Variants in SLC2A6 observed in about 807,000 individuals in gnomAD.
The protein encoded by SLC2A6 is solute carrier family 2 member 6, also known as solute carrier family 2, facilitated glucose transporter member 6.
Under a neutral mutation model 47.8 loss-of-function variants are expected in SLC2A6, and 39 were observed. That is an observed-to-expected ratio of 0.82 (90% CI 0.63 to 1.07). The LOEUF is 1.07. Ranked by LOEUF, SLC2A6 falls within the 50% of genes least tolerant of loss-of-function variation. The probability of loss-of-function intolerance (pLI) is 0.00; values close to 1 mark genes in which losing one functional copy is unlikely to be tolerated. For missense variants in SLC2A6, 650 were observed against 707.6 expected, an observed-to-expected ratio of 0.92 and a Z score of 0.92; for synonymous variants, 346 against 324.1, an observed-to-expected ratio of 1.07 and a Z score of -0.73.
At chr9:133,478,485 G>C in intron 1 of SLC2A6, 69 bp from the exon 2 acceptor site, 1 of 1,571,212 alleles carries the variant, frequency 6.4e-7, no homozygotes, top group Non-Finnish European at 8.7e-7. Context: ...TGCCTTTTCT[G>C]AACCCAGTGG....
chr9:133,473,194 G>A lies in SLC2A6; in HGVS notation c.1279C>T (p.Leu427=). Residue 427 remains leucine (L), a synonymous_variant, in exon 9 of 10, where the codon CTG becomes TTG. Coordinates refer to ENST00000371899, the MANE Select transcript of SLC2A6 (RefSeq NM_017585.4). ...CCTGAGGCCACGCCACGGGCACGCA[G>A]GGGCAGGACCTCAGACATGAGCAGC... ...TWLLMSEVLP[L]RARGVASGLC... is the part of the protein sequence containing the mutation. 6.2e-7 allele frequency: 1 copy of A among 1,606,208 alleles called. No individual in the cohort carries two copies. The highest frequency in any genetic ancestry group is 1.1e-5 in the South Asian group (1 of 89,896).
In SLC2A6 at chr9:133,475,017, T is replaced by G; in HGVS notation, c.871A>C (p.Ile291Leu). The G allele has an allele frequency of 6.3e-7, 1 of 1,596,114 alleles. No individual in the cohort carries two copies. Among genetic ancestry groups the G allele is most frequent in the Non-Finnish European group, 8.5e-7 (1 of 1,172,844 alleles). ...LMRLLQQLTGITPILVYLQSI... is the reference protein window; with the variant it reads ...LMRLLQQLTGLTPILVYLQSI... ...TGCAGGTAGACCAGGATGGGCGTGATGCCCGTCAGCTGCTGCAGGAGGCGC... is the reference window on the plus strand; with the variant it reads ...TGCAGGTAGACCAGGATGGGCGTGAGGCCCGTCAGCTGCTGCAGGAGGCGC... Residue 291 changes from isoleucine (I) to leucine (L), a missense_variant, in exon 6 of 10, where the codon ATC (isoleucine) becomes CTC (leucine). By Grantham distance (5) the Ile-to-Leu change is conservative. Coordinates refer to ENST00000371899, the MANE Select transcript of SLC2A6 (RefSeq NM_017585.4).
rs1554802588 is a variant in SLC2A6, at chr9:133,474,072, G to C, written c.944C>G (p.Ala315Gly). 6.2e-7 allele frequency: 1 copy of C among 1,607,176 alleles called. No homozygotes were observed. Among genetic ancestry groups the C allele is most frequent in the Non-Finnish European group, 8.5e-7 (1 of 1,177,892 alleles). Residue 315 changes from alanine to glycine, a missense_variant, in exon 7 of 10, where the codon GCA becomes GGA. Physicochemically the swap from Ala to Gly is moderately conservative, Grantham distance 60. Transcript: ENST00000371899. ...TAVLLPPKDD[A>G]AIVGAVRLLS... is the part of the protein sequence containing the mutation. The stretch of plus-strand genomic sequence containing the variant: ...GAGCCGCACGGCCCCAACGATGGCT[G>C]CGTCGTCCTTGGGGGGCTATCGGGG...
chr9:133,472,986 C>T (rs1843788260), intron 9 of SLC2A6, 119 bp downstream of exon 9: 1 of 1,123,056 alleles, frequency 8.9e-7, no homozygotes, highest in Admixed American at 2.9e-5. Flanking sequence ...TGCTCATCTC[C>T]TAGGGTCACT....
Position 133,475,270 on chromosome 9 carries a change from C to T in SLC2A6, c.774+130G>A, listed in dbSNP as rs927639309. The T allele has an allele frequency of 4.4e-6, 6 of 1,360,448 alleles. No individual in the cohort carries two copies. The East Asian group carries it at 1.0e-4, about 23-fold the overall frequency. 84.3% of individuals were successfully genotyped at this position (1,360,448 alleles called of 1,614,324 possible). A position where few individuals can be genotyped will look rare whatever the true frequency, so the allele number is the denominator to read the frequency against. On this transcript the variant is annotated intron_variant, in intron 5 of 9. Coordinates refer to ENST00000371899, the MANE Select transcript of SLC2A6 (RefSeq NM_017585.4). ...CACCCAGGCTCTGGGAACAGCCCCC[C>T]ACCCCAACCCAGGCACTTGGATTAG...
chr9:133,472,042 C>T lies in SLC2A6; in HGVS notation c.1503G>A (p.Gly501=). Residue 501 remains glycine (G), a synonymous_variant, in exon 10 of 10, where the codon GGG becomes GGA. Coordinates refer to ENST00000371899, the MANE Select transcript of SLC2A6 (RefSeq NM_017585.4). Reference sequence around the variant, plus strand: ...TGACCTAGCGCAAGAAGGACCTTCTCCCCGTGCGGAAGAAGGACTCGATCT... The same window carrying T: ...TGACCTAGCGCAAGAAGGACCTTCTTCCCGTGCGGAAGAAGGACTCGATCT... ...LEQIESFFRT[G]RRSFLR 6.2e-7 allele frequency: 1 copy of T among 1,613,066 alleles called. No individual in the cohort carries two copies. The highest frequency in any genetic ancestry group is 8.5e-7 in the Non-Finnish European group (1 of 1,179,728).
intron 7 of SLC2A6, 153 bp from the exon 8 acceptor site, chr9:133,473,753 C>T (rs890847263): frequency 1.9e-5 from 16 of 851,774 alleles, no homozygotes; most frequent in Middle Eastern, 3.6e-4. Flanking sequence ...TGTCTCCAGC[C>T]GCGTGTTAGG....
chr9:133,477,562 G>T (rs902266434), intron 2 of SLC2A6, among the ~76,000 whole-genome samples: 2 of 152,202 alleles, frequency 1.3e-5, no homozygotes, highest in African/African-American at 2.4e-5. Context: ...AAGATTTGGA[G>T]GTTCTTAAGT....
In SLC2A6 at chr9:133,473,425, G is replaced by C. The variant is rs1428552161; in HGVS notation, c.1212C>G (p.Leu404=). 1.2e-6 allele frequency: 2 copies of C among 1,601,372 alleles called. No homozygotes were observed. Among genetic ancestry groups the C allele is most frequent in the Non-Finnish European group, 1.7e-6 (2 of 1,174,822 alleles). The change falls in exon 8 of 10, where the codon CTC becomes CTG. Residue 404 remains leucine, a synonymous_variant. Coordinates refer to ENST00000371899, the MANE Select transcript of SLC2A6 (RefSeq NM_017585.4). The part of the protein sequence containing the change: ...LTLVPLLATM[L]FIMGYAVGWG... ...CACCACCACACCTACCCATGATGAAGAGCATGGTGGCCAGCAGGGGCACCA... is the reference window on the plus strand; with the variant it reads ...CACCACCACACCTACCCATGATGAACAGCATGGTGGCCAGCAGGGGCACCA...
intron 2 of SLC2A6, 100 bp downstream of exon 2, chr9:133,478,154 G>T: frequency 7.4e-7 from 1 of 1,344,166 alleles, no homozygotes; most frequent in Non-Finnish European, 1.0e-6. Context: ...GGCCCTGGAG[G>T]GACCCCCAAG....
chr9:133,476,238 A>G lies in SLC2A6; in HGVS notation c.561T>C (p.Leu187=). Residue 187 remains leucine (L), a splice_region_variant and synonymous_variant, in exon 4 of 10, where the codon CTT becomes CTC. Coordinates refer to ENST00000371899, the MANE Select transcript of SLC2A6 (RefSeq NM_017585.4). ...ACAGGAGTGCGGGGCCATACTTGCC[A>G]AGGGCGTAGAGGGACAGGGATCCGA... ...AVFGSLSLYA[L]GLLLPWRWLA... The G allele has an allele frequency of 6.2e-7, 1 of 1,611,140 alleles. No individual in the cohort carries two copies. The highest frequency in any genetic ancestry group is 8.5e-7 in the Non-Finnish European group (1 of 1,178,490).
intron 6 of SLC2A6, 75 bp downstream of exon 6, chr9:133,474,886 C>G (rs1222540014): frequency 6.5e-6 from 9 of 1,395,306 alleles, no homozygotes; most frequent in Admixed American, 5.7e-5. Flanking sequence ...AGTGCAGGAG[C>G]AGGCCCTGCC....
At position 133,477,051 on chromosome 9, in the gene SLC2A6, G is replaced by A; in HGVS notation, c.446C>T (p.Thr149Ile). The stretch of plus-strand genomic sequence containing the variant: ...TGGCCTTACCGGGATGCAGGCAGCT[G>A]TGAGCCCCCCGGCGAAGCCCGTCAG... ...RTLTGFAGGL[T>I]AACIPVYVSE... Residue 149 changes from threonine to isoleucine, a missense_variant, in exon 3 of 10, where the codon ACA (threonine) becomes ATA (isoleucine). Physicochemically the swap from Thr to Ile is moderately conservative, Grantham distance 89 (BLOSUM62 -1). Coordinates refer to ENST00000371899, the MANE Select transcript of SLC2A6 (RefSeq NM_017585.4). 2 of 1,547,380 alleles carry A rather than the reference G, an allele frequency of 1.3e-6. No homozygotes were observed. Among genetic ancestry groups the A allele is most frequent in the Non-Finnish European group, 1.7e-6 (2 of 1,146,458 alleles).
At chr9:133,476,379 G>A (rs1554803389) in intron 3 of SLC2A6, 43 bp from the exon 4 acceptor site, 1 of 1,561,748 alleles carries the variant, frequency 6.4e-7, no homozygotes, top group Non-Finnish European at 8.8e-7. Flanking sequence ...TGAAAATACT[G>A]GTTCCTAGGC....
At chr9:133,474,686 C>T (rs1554802809) in intron 6 of SLC2A6, among the ~76,000 whole-genome samples, 1 of 152,186 alleles carries the variant, frequency 6.6e-6, no homozygotes, top group Non-Finnish European at 1.5e-5. Context: ...CTTAAGTGAT[C>T]CTCCCGCCTT....
At chr9:133,476,465 C>A in intron 3 of SLC2A6, 129 bp from the exon 4 acceptor site, 1 of 746,042 alleles carries the variant, frequency 1.3e-6, no homozygotes, top group Non-Finnish European at 2.3e-6. Flanking sequence ...GGGCTGAGTC[C>A]TGGTCATGAC....
At chr9:133,472,804 G>A (rs1843779029) in intron 9 of SLC2A6, among the ~76,000 whole-genome samples, 1 of 152,186 alleles carries the variant, frequency 6.6e-6, no homozygotes, top group African/African-American at 2.4e-5. Flanking sequence ...GGCACGGTGG[G>A]GAGGTGGCTT....
chr9:133,476,680 C>T (rs141595840), intron 3 of SLC2A6, among the ~76,000 whole-genome samples: 29 of 152,298 alleles, frequency 1.9e-4, no homozygotes, highest in African/African-American at 5.5e-4. Flanking sequence ...CACCAGGCCC[C>T]GTGTGGAGTA....
rs370066215 is a variant in SLC2A6, at chr9:133,473,485, C to T, written c.1152G>A (p.Ala384=). 8.2e-5 allele frequency: 131 copies of T among 1,603,748 alleles called. 1 individual carries two copies. The highest frequency in any genetic ancestry group is 4.7e-4 in the South Asian group (42 of 89,290). Residue 384 remains alanine (A), a synonymous_variant, in exon 8 of 10, where the codon GCG becomes GCA. Coordinates refer to ENST00000371899, the MANE Select transcript of SLC2A6 (RefSeq NM_017585.4). ...AGCCAGCGGGTGCTGCCAGGGGCTG[C>T]GCCAAGTCCCCCCAGGACTCGCTTT... is the stretch of plus-strand genomic sequence containing the variant. The part of the protein sequence containing the change: ...GLESESWGDL[A]QPLAAPAGYL...
Sources: allele counts gnomAD v4.1 joint callset (sites outside exome capture counted in the v4.1 genomes callset), GRCh38; gene constraint gnomAD v4.1.1; transcripts MANE v1.5; gene names NCBI Gene and HGNC (gene_info 2026-07-23, HGNC 2026-07-21).